Variants in PCDH9 observed in about 807,000 individuals in gnomAD.
The protein encoded by PCDH9 is protocadherin 9.
PCDH9 carries 24 observed loss-of-function variants against 70.6 expected under a neutral mutation model. The ratio of observed to expected loss-of-function variants is 0.34; its 90% CI spans 0.25 to 0.48. The LOEUF is 0.48. Among genes scored for constraint, PCDH9 ranks in the 20% least tolerant of loss-of-function variants. PCDH9 has a pLI of 0.99. For synonymous variants in PCDH9, 562 were observed against 558.5 expected (o/e 1.01, Z -0.09); for missense variants, 1,281 against 1,503.6 (o/e 0.85, Z 2.45).
chr13:66,757,643 T>A (rs889834576), intron 3 of PCDH9, among the ~76,000 whole-genome samples: 1 of 152,050 alleles, frequency 6.6e-6, no homozygotes, highest in Non-Finnish European at 1.5e-5. Context: ...CAAACATATA[T>A]AAAACGTATG....
intron 4 of PCDH9, among the ~76,000 whole-genome samples, chr13:66,388,353 C>A (rs1956965150): frequency 6.6e-6 from 1 of 151,988 alleles, no homozygotes; most frequent in East Asian, 1.9e-4. Flanking sequence ...TAGTTTTTTT[C>A]ATTTATTGGA....
At chr13:66,962,640 T>G (rs1375802683) in intron 2 of PCDH9, among the ~76,000 whole-genome samples, 1 of 152,178 alleles carries the variant, frequency 6.6e-6, no homozygotes, top group Non-Finnish European at 1.5e-5. Flanking sequence ...TATCTAAATA[T>G]AGAAAATATT....
intron 2 of PCDH9, among the ~76,000 whole-genome samples, chr13:67,101,386 T>C (rs540347923): frequency 2.5e-4 from 38 of 152,318 alleles, no homozygotes; most frequent in Non-Finnish European, 4.6e-4. Context: ...TTTCAGCTTT[T>C]CTCCTGAGAT....
intron 4 of PCDH9, among the ~76,000 whole-genome samples, chr13:66,315,450 T>C (rs1955633599): frequency 6.6e-6 from 1 of 152,068 alleles, no homozygotes; most frequent in Non-Finnish European, 1.5e-5. Context: ...TCTACCAGCT[T>C]CCCTGCAAAC....
intron 4 of PCDH9, among the ~76,000 whole-genome samples, chr13:66,348,980 A>G (rs1566259827): frequency 6.6e-6 from 1 of 152,176 alleles, no homozygotes; most frequent in African/African-American, 2.4e-5. Context: ...TAATTCAGAT[A>G]TAAATGAGAT....
At chr13:66,940,937 C>T (rs1286385928) in intron 2 of PCDH9, among the ~76,000 whole-genome samples, 3 of 151,860 alleles carry the variant, frequency 2.0e-5, no homozygotes, top group Non-Finnish European at 2.9e-5. Context: ...TATGAATAAA[C>T]TGGCCAAATT....
intron 2 of PCDH9, among the ~76,000 whole-genome samples, chr13:67,052,075 A>G (rs2085334819): frequency 6.6e-6 from 1 of 152,178 alleles, no homozygotes; most frequent in Non-Finnish European, 1.5e-5. Context: ...ACTCTGCTAT[A>G]AGTGATATAG....
rs192585760 is a variant in PCDH9 at position 66,703,378 on chromosome 13, C to T, written c.3139-71967G>A. Among the ~76,000 whole-genome samples the T allele has an allele frequency of 1.4e-4, 22 of 152,248 alleles. No homozygotes were observed. The East Asian group carries it at 1.5e-3, about 11-fold the overall frequency. ...TAATGGATTATATCCACTTTGTTTA[C>T]GTAACTAATAGTGCAGAGTGCCAGA... On this transcript the variant is annotated intron_variant, in intron 3 of 4. Coordinates refer to ENST00000377865, the MANE Select transcript of PCDH9 (RefSeq NM_203487.3).
At chr13:66,436,266 TC>T (rs1380404573) in intron 4 of PCDH9, among the ~76,000 whole-genome samples, 2 of 151,974 alleles carry the variant, frequency 1.3e-5, no homozygotes, top group Admixed American at 1.3e-4. Flanking sequence ...TAAAAGTGAG[TC>T]CCCTTGTTGC....
At chr13:67,049,956 G>A (rs541323891) in intron 2 of PCDH9, among the ~76,000 whole-genome samples, 2 of 152,076 alleles carry the variant, frequency 1.3e-5, no homozygotes, top group Non-Finnish European at 2.9e-5. Context: ...AATGACTTCA[G>A]AATGAACAAT....
At chr13:66,810,510 T>C (rs781418619) in intron 3 of PCDH9, among the ~76,000 whole-genome samples, 108 of 152,158 alleles carry the variant, frequency 7.1e-4, no homozygotes, top group Admixed American at 2.4e-3. Context: ...GGGAATATAA[T>C]AAATGTAAAG....
chr13:67,176,016 G>A (rs1416769231), intron 2 of PCDH9, among the ~76,000 whole-genome samples: 1 of 151,804 alleles, frequency 6.6e-6, no homozygotes, highest in African/African-American at 2.4e-5. Flanking sequence ...GATTGAGCTA[G>A]CTGATAAGTT....
At chr13:67,021,999 A>G (rs188951281) in intron 2 of PCDH9, among the ~76,000 whole-genome samples, 44 of 151,740 alleles carry the variant, frequency 2.9e-4, no homozygotes, top group Admixed American at 1.2e-3. Context: ...TAGAAAAAAT[A>G]TGTATGATGT....
At chr13:66,619,893 T>C (rs1461497980) in intron 4 of PCDH9, among the ~76,000 whole-genome samples, 1 of 152,188 alleles carries the variant, frequency 6.6e-6, no homozygotes, top group East Asian at 1.9e-4. Context: ...AACCTACTTC[T>C]GTCTCCTCTA....
At chr13:66,690,278 T>C (rs2139081795) in intron 3 of PCDH9, among the ~76,000 whole-genome samples, 1 of 152,268 alleles carries the variant, frequency 6.6e-6, no homozygotes, top group African/African-American at 2.4e-5. Context: ...ATAAGTTCCT[T>C]AAGAAAATCT....
At chr13:67,174,151 C>T (rs1220663124) in intron 2 of PCDH9, among the ~76,000 whole-genome samples, 1 of 152,072 alleles carries the variant, frequency 6.6e-6, no homozygotes, top group Non-Finnish European at 1.5e-5. Flanking sequence ...AAAAATCCCT[C>T]TTAAGTACCC....
intron 4 of PCDH9, among the ~76,000 whole-genome samples, chr13:66,475,200 A>G (rs1043737958): frequency 4.6e-5 from 7 of 152,090 alleles, no homozygotes; most frequent in African/African-American, 1.2e-4. Flanking sequence ...TGTAGAGACT[A>G]TCTAGATACA....
intron 2 of PCDH9, among the ~76,000 whole-genome samples, chr13:67,171,598 T>C (rs981374414): frequency 2.0e-5 from 3 of 152,230 alleles, no homozygotes; most frequent in Non-Finnish European, 2.9e-5. Flanking sequence ...GGTTATGTTA[T>C]ACCTTTATCT....
chr13:66,709,453 C>A (rs909746425), intron 3 of PCDH9, among the ~76,000 whole-genome samples: 1 of 152,140 alleles, frequency 6.6e-6, no homozygotes, highest in African/African-American at 2.4e-5. Context: ...GTACACTATG[C>A]AATCATGTTG....
Sources: gnomAD v4.1 joint callset for allele counts (sites outside exome capture counted in the v4.1 genomes callset) on GRCh38, gnomAD v4.1.1 for gene constraint, MANE v1.5 for transcripts, NCBI Gene and HGNC (gene_info 2026-07-23, HGNC 2026-07-21) for gene names.